The following SLC24A3 variants were observed in gnomAD, a reference collection of about 807,000 sequenced individuals.
SLC24A3 encodes solute carrier family 24 member 3.
In SLC24A3, 28 loss-of-function variants were observed where a neutral mutation model predicts 75.8. The ratio of observed to expected loss-of-function variants is 0.37; its 90% CI spans 0.27 to 0.51. The LOEUF (loss-of-function observed/expected upper bound fraction) is 0.51, where lower values mean the gene tolerates loss of function less well. Among genes scored for constraint, SLC24A3 ranks in the 20% least tolerant of loss-of-function variants. The probability of loss-of-function intolerance (pLI) is 0.94; values close to 1 mark genes in which losing one functional copy is unlikely to be tolerated. For missense variants in SLC24A3, 663 were observed against 847.8 expected, an observed-to-expected ratio of 0.78 and a Z score of 2.71; for synonymous variants, 372 against 334.1, an observed-to-expected ratio of 1.11 and a Z score of -1.24.
chr20:19,715,613 GT>G (rs1261023306), intron 15 of SLC24A3, among the ~76,000 whole-genome samples: 8 of 152,146 alleles, frequency 5.3e-5, no homozygotes, highest in African/African-American at 1.2e-4. Flanking sequence ...AGGGTTGGCT[GT>G]TTAGGGCGTA....
At chr20:19,698,466 T>G (rs781578601) in intron 14 of SLC24A3, 102 bp from the exon 15 acceptor site, 14 of 730,932 alleles carry the variant, frequency 1.9e-5, no homozygotes, top group African/African-American at 3.5e-5. Context: ...ATATGTGAGC[T>G]TGCAGAACCA....
intron 2 of SLC24A3, among the ~76,000 whole-genome samples, chr20:19,313,042 T>C (rs567986787): frequency 7.1e-6 from 1 of 141,478 alleles, no homozygotes; most frequent in South Asian, 2.5e-4. Flanking sequence ...TTTTTTTTTT[T>C]TTTTTTTTTT....
At chr20:19,660,037 C>A (rs901642452) in intron 7 of SLC24A3, among the ~76,000 whole-genome samples, 1 of 152,200 alleles carries the variant, frequency 6.6e-6, no homozygotes, top group Non-Finnish European at 1.5e-5. Flanking sequence ...TGGCTGACCT[C>A]CAAGGCCCTG....
chr20:19,411,765 T>C lies in SLC24A3; in HGVS notation c.272-103723T>C, dbSNP rs1363924843. 3.3e-5 allele frequency among the ~76,000 whole-genome samples: 5 copies of C among 152,222 alleles called. No homozygotes were observed. The East Asian group carries it at 9.6e-4, about 29-fold the overall frequency. The stretch of plus-strand genomic sequence containing the variant: ...AGAGCAGAAACGCAAATGTTTCACT[T>C]GAGCAACCTCTGACGCGTTGATCTC... On this transcript the variant is annotated intron_variant, in intron 2 of 16. Transcript: ENST00000328041.
At chr20:19,562,934 C>A (rs56351398) in intron 3 of SLC24A3, among the ~76,000 whole-genome samples, 16 of 152,260 alleles carry the variant, frequency 1.1e-4, no homozygotes, top group African/African-American at 3.9e-4. Flanking sequence ...ATGGTCCCAA[C>A]CTGGGAATCT....
intron 8 of SLC24A3, among the ~76,000 whole-genome samples, chr20:19,667,473 C>T (rs1056573431): frequency 2.0e-5 from 3 of 152,216 alleles, no homozygotes; most frequent in African/African-American, 7.2e-5. Context: ...GTTAGCACAA[C>T]CACTGCTCCG....
At chr20:19,399,677 T>C (rs567526585) in intron 2 of SLC24A3, among the ~76,000 whole-genome samples, 93 of 152,328 alleles carry the variant, frequency 6.1e-4, no homozygotes, top group African/African-American at 2.2e-3. Flanking sequence ...ATATGGTTTG[T>C]TTTGACAGCT....
intron 6 of SLC24A3, among the ~76,000 whole-genome samples, chr20:19,594,322 T>C (rs980567566): frequency 6.6e-6 from 1 of 152,178 alleles, no homozygotes; most frequent in Non-Finnish European, 1.5e-5. Context: ...TCCAAGCAGC[T>C]ACAGTCCAGG....
intron 7 of SLC24A3, among the ~76,000 whole-genome samples, chr20:19,661,088 C>G (rs769922730): frequency 6.6e-6 from 1 of 152,144 alleles, no homozygotes; most frequent in Admixed American, 6.5e-5. Context: ...AGGAAAACAA[C>G]GTGGAAACTG....
intron 1 of SLC24A3, among the ~76,000 whole-genome samples, chr20:19,236,173 G>A (rs1220554178): frequency 6.6e-6 from 1 of 152,136 alleles, no homozygotes; most frequent in African/African-American, 2.4e-5. Context: ...ATAGCATATG[G>A]GACACAGTCG....
At chr20:19,490,173 C>T (rs1328112051) in intron 2 of SLC24A3, among the ~76,000 whole-genome samples, 1 of 152,186 alleles carries the variant, frequency 6.6e-6, no homozygotes, top group Non-Finnish European at 1.5e-5. Flanking sequence ...GGCCACATGT[C>T]CTCCCATCTT....
chr20:19,443,214 A>G (rs910197300), intron 2 of SLC24A3, among the ~76,000 whole-genome samples: 3 of 152,188 alleles, frequency 2.0e-5, no homozygotes, highest in African/African-American at 7.2e-5. Flanking sequence ...CATATCCACA[A>G]AATTACTTGC....
intron 15 of SLC24A3, 34 bp from the exon 16 acceptor site, chr20:19,717,494 T>G (rs747489472): frequency 1.2e-6 from 2 of 1,611,766 alleles, no homozygotes; most frequent in South Asian, 2.2e-5. Flanking sequence ...GAAGCCTAGC[T>G]TGTCAGAAGC....
chr20:19,391,085 G>T (rs186211061), intron 2 of SLC24A3, among the ~76,000 whole-genome samples: 1 of 152,318 alleles, frequency 6.6e-6, no homozygotes, highest in East Asian at 1.9e-4. Context: ...ACCATCCTGG[G>T]ACCAGAACAT....
At chr20:19,596,362 T>C (rs2031453575) in intron 6 of SLC24A3, among the ~76,000 whole-genome samples, 1 of 152,178 alleles carries the variant, frequency 6.6e-6, no homozygotes, top group Non-Finnish European at 1.5e-5. Context: ...GGAAAAATCA[T>C]GGAACACTCC....
chr20:19,272,940 C>T (rs1378875513), intron 1 of SLC24A3, among the ~76,000 whole-genome samples: 2 of 152,126 alleles, frequency 1.3e-5, no homozygotes, highest in Non-Finnish European at 2.9e-5. Context: ...TGAAGGAAGT[C>T]CTGGAGGGTC....
chr20:19,556,852 C>T lies in SLC24A3; in HGVS notation c.349-23148C>T, dbSNP rs970492582. Among the ~76,000 whole-genome samples, 9 of 152,292 alleles carry T rather than the reference C, an allele frequency of 5.9e-5. No homozygotes were observed. The South Asian group carries it at 1.0e-3, about 18-fold the overall frequency. Reference sequence around the variant, plus strand: ...ACCAGGCAATCATGAGGTCTGCAGACGGCTTGTGGAAGCTGAATATTCCTT... The same window carrying T: ...ACCAGGCAATCATGAGGTCTGCAGATGGCTTGTGGAAGCTGAATATTCCTT... On this transcript the variant is annotated intron_variant, in intron 3 of 16. Transcript: ENST00000328041.
intron 2 of SLC24A3, among the ~76,000 whole-genome samples, chr20:19,371,505 C>T (rs76950599): frequency 0.015 from 2,264 of 152,274 alleles, 46 homozygotes; most frequent in African/African-American, 0.052. Flanking sequence ...GCCTGGGAAC[C>T]AGTGGCTGGG....
intron 6 of SLC24A3, among the ~76,000 whole-genome samples, chr20:19,634,396 G>C (rs1232878700): frequency 1.3e-5 from 2 of 152,062 alleles, no homozygotes; most frequent in African/African-American, 4.8e-5. Context: ...GTTCATTTAA[G>C]GAGGAAACAA....
Sources: allele counts gnomAD v4.1 joint callset (sites outside exome capture counted in the v4.1 genomes callset), GRCh38; gene constraint gnomAD v4.1.1; transcripts MANE v1.5; gene names NCBI Gene and HGNC (gene_info 2026-07-23, HGNC 2026-07-21).